ZDHHC14: variants seen among roughly 807,000 people sequenced by gnomAD.
ZDHHC14 encodes palmitoyltransferase ZDHHC14.
In ZDHHC14, 16 loss-of-function variants were observed where a neutral mutation model predicts 47.7. That is an observed-to-expected ratio of 0.34 (90% confidence interval 0.23 to 0.51). The LOEUF is 0.51. Among genes scored for constraint, ZDHHC14 ranks in the 20% least tolerant of loss-of-function variants. The pLI is 0.97. For synonymous variants in ZDHHC14, 293 were observed against 278.9 expected (o/e 1.05, Z -0.50); for missense variants, 515 against 662.5 (o/e 0.78, Z 2.44).
chr6:157,458,849 A>ATTT lies in ZDHHC14; in HGVS notation c.245+76603_245+76605dup, dbSNP rs750975822. Among the ~76,000 whole-genome samples the ATTT allele has an allele frequency of 2.6e-3, 208 of 81,194 alleles. 10 individuals carry two copies. The highest frequency in any genetic ancestry group is 5.3e-3 in the African/African-American group (115 of 21,798). The allele number at this position is 81,194 out of a possible 152,430, so 53.3% of individuals were successfully genotyped here. On this transcript the variant is annotated intron_variant, in intron 1 of 8. Transcript: ENST00000359775. ...TACAGGTACTAGCAAATGTGGGTGG[A>ATTT]TTTTTTTTTTTTTTTTTTTTTTGAG... is the stretch of plus-strand genomic sequence containing the variant.
chr6:157,525,033 G>T (rs1416822381), intron 1 of ZDHHC14, among the ~76,000 whole-genome samples: 1 of 152,180 alleles, frequency 6.6e-6, no homozygotes, highest in East Asian at 1.9e-4. Flanking sequence ...GATATGGCTG[G>T]GGCTGCCATC....
At chr6:157,579,487 A>G (rs1333088382) in intron 2 of ZDHHC14, among the ~76,000 whole-genome samples, 11 of 152,064 alleles carry the variant, frequency 7.2e-5, no homozygotes, top group South Asian at 4.2e-4. Context: ...ATGAGCCACC[A>G]TGCCCAGCCA....
intron 1 of ZDHHC14, among the ~76,000 whole-genome samples, chr6:157,396,121 G>A (rs1274970476): frequency 6.6e-6 from 1 of 151,954 alleles, no homozygotes; most frequent in East Asian, 1.9e-4. Context: ...ACACCTTTTT[G>A]ACACTGTCAT....
intron 1 of ZDHHC14, among the ~76,000 whole-genome samples, chr6:157,396,049 A>G (rs1777514942): frequency 6.6e-6 from 1 of 152,076 alleles, no homozygotes; most frequent in African/African-American, 2.4e-5. Flanking sequence ...GCTGGAGCTA[A>G]CATACCATTA....
At chr6:157,513,768 C>G (rs1030520188) in intron 1 of ZDHHC14, among the ~76,000 whole-genome samples, 1 of 152,068 alleles carries the variant, frequency 6.6e-6, no homozygotes, top group Non-Finnish European at 1.5e-5. Context: ...GTAAGTTTGC[C>G]TGAGTCACAC....
chr6:157,621,003 A>G (rs985139155), intron 3 of ZDHHC14, among the ~76,000 whole-genome samples: 1 of 152,242 alleles, frequency 6.6e-6, no homozygotes, highest in Non-Finnish European at 1.5e-5. Flanking sequence ...AAGCAAGGTC[A>G]GTTAGAAAGA....
intron 5 of ZDHHC14, among the ~76,000 whole-genome samples, chr6:157,636,817 C>T (rs1777006258): frequency 6.6e-6 from 1 of 152,204 alleles, no homozygotes; most frequent in Non-Finnish European, 1.5e-5. Context: ...CAGACACACA[C>T]CCACTCTGCG....
At chr6:157,400,744 T>C (rs1271671638) in intron 1 of ZDHHC14, among the ~76,000 whole-genome samples, 2 of 152,168 alleles carry the variant, frequency 1.3e-5, no homozygotes, top group Non-Finnish European at 1.5e-5. Flanking sequence ...GCCACGAACC[T>C]ATGAAATGCA....
intron 3 of ZDHHC14, among the ~76,000 whole-genome samples, chr6:157,616,854 G>A (rs1176565806): frequency 6.6e-6 from 1 of 152,120 alleles, no homozygotes; most frequent in East Asian, 1.9e-4. Context: ...GGCAAATCGG[G>A]ATGGTCAGGA....
intron 5 of ZDHHC14, among the ~76,000 whole-genome samples, chr6:157,633,377 G>A (rs1776802422): frequency 6.6e-6 from 1 of 151,928 alleles, no homozygotes; most frequent in Non-Finnish European, 1.5e-5. Flanking sequence ...ACCCTGAATA[G>A]ATTAAAAATG....
chr6:157,504,192 AT>A (rs113781730), intron 1 of ZDHHC14, among the ~76,000 whole-genome samples: 102,687 of 151,358 alleles, frequency 0.68, 35,548 homozygotes, highest in African/African-American at 0.83. Context: ...GCATATATAT[AT>A]TTTTTTTTTG....
intron 2 of ZDHHC14, among the ~76,000 whole-genome samples, chr6:157,550,462 C>T (rs1199744319): frequency 1.4e-5 from 2 of 142,660 alleles, no homozygotes; most frequent in African/African-American, 6.1e-5. Flanking sequence ...CGGCATCACA[C>T]AGGCACTCTA....
At chr6:157,645,692 C>A in intron 5 of ZDHHC14, 45 bp from the exon 6 acceptor site, 1 of 1,537,020 alleles carries the variant, frequency 6.5e-7, no homozygotes, top group Non-Finnish European at 9.0e-7. Flanking sequence ...ACATCCACTT[C>A]TTGCGCGGTC....
intron 3 of ZDHHC14, among the ~76,000 whole-genome samples, chr6:157,595,442 C>G (rs1377451070): frequency 6.6e-6 from 1 of 152,016 alleles, no homozygotes; most frequent in African/African-American, 2.4e-5. Flanking sequence ...CCACCTGCCT[C>G]GGCCTCCTGA....
At chr6:157,439,519 G>A (rs1329211940) in intron 1 of ZDHHC14, among the ~76,000 whole-genome samples, 2 of 152,182 alleles carry the variant, frequency 1.3e-5, no homozygotes, top group Non-Finnish European at 1.5e-5. Flanking sequence ...ACAGATGCTG[G>A]CAAGGCTGTG....
intron 7 of ZDHHC14, among the ~76,000 whole-genome samples, chr6:157,649,984 G>A (rs1018409297): frequency 1.1e-4 from 16 of 151,356 alleles, no homozygotes; most frequent in African/African-American, 2.9e-4. Context: ...TGTGCCAGGC[G>A]CTGGGGGTGC....
At position 157,654,246 on chromosome 6, in the gene ZDHHC14, G is replaced by A. The variant is rs372193082; in HGVS notation, c.1068+619G>A. Among the ~76,000 whole-genome samples the A allele has an allele frequency of 9.9e-5, 15 of 152,218 alleles. No individual in the cohort carries two copies. The East Asian group carries it at 1.7e-3, about 18-fold the overall frequency. ...GGTTTCTAGCGTGCAGGTTTCCAGC[G>A]TGCAGGTGGAGATCTGGGGGAGGGG... On this transcript the variant is annotated intron_variant, in intron 8 of 8. Transcript: ENST00000359775.
chr6:157,639,849 C>G (rs1777163471), intron 5 of ZDHHC14, among the ~76,000 whole-genome samples: 1 of 152,126 alleles, frequency 6.6e-6, no homozygotes, highest in Non-Finnish European at 1.5e-5. Context: ...TGAGTTCTGT[C>G]TAAGATATGT....
chr6:157,659,018 C>G (rs1156296109), intron 8 of ZDHHC14, among the ~76,000 whole-genome samples: 1 of 151,848 alleles, frequency 6.6e-6, no homozygotes, highest in Non-Finnish European at 1.5e-5. Context: ...TTTACTTTTC[C>G]CTTGGGTCAG....
Sources: gnomAD v4.1 joint callset for allele counts (sites outside exome capture counted in the v4.1 genomes callset) on GRCh38, gnomAD v4.1.1 for gene constraint, MANE v1.5 for transcripts, NCBI Gene and HGNC (gene_info 2026-07-23, HGNC 2026-07-21) for gene names.